The following NHLRC2 variants were observed in gnomAD, a reference collection of about 807,000 sequenced individuals.
NHLRC2 encodes the protein NHL repeat containing 2.
Under a neutral mutation model 68.1 loss-of-function variants are expected in NHLRC2, and 33 were observed. The ratio of observed to expected loss-of-function variants is 0.48; its 90% confidence interval spans 0.37 to 0.65. The LOEUF (loss-of-function observed/expected upper bound fraction) is 0.65. NHLRC2 is among the 30% of genes least tolerant of loss of function. The pLI is 0.00. For missense variants in NHLRC2, 761 were observed against 853.8 expected (o/e 0.89, Z 1.35); for synonymous variants, 311 against 309.6 (o/e 1.00, Z -0.05).
chr10:113,872,217 G>A (rs1429713447), intron 2 of NHLRC2, among the ~76,000 whole-genome samples: 2 of 151,890 alleles, frequency 1.3e-5, no homozygotes, highest in African/African-American at 4.8e-5. Flanking sequence ...ATAGGCCACT[G>A]AAGGGAAAAA....
At chr10:113,907,616 C>T (rs999315072) in intron 10 of NHLRC2, among the ~76,000 whole-genome samples, 3 of 151,848 alleles carry the variant, frequency 2.0e-5, no homozygotes, top group African/African-American at 4.8e-5. Context: ...GTGGTTTATT[C>T]GATTTTTGTT....
In NHLRC2 at chr10:113,911,383, A is replaced by G. The variant is rs1246420181; in HGVS notation, c.*2847A>G. The G allele has an allele frequency of 1.3e-5, 2 of 152,156 alleles. No homozygotes were observed. The highest frequency in any genetic ancestry group is 1.9e-4 in the East Asian group (1 of 5,204). The allele number at this position is 152,156 out of a possible 1,614,324, so 9.4% of individuals were successfully genotyped here. A position where few individuals can be genotyped will look rare whatever the true frequency, so the allele number is the denominator to read the frequency against. On this transcript the variant is annotated 3_prime_UTR_variant, in exon 11 of 11. Transcript: ENST00000369301. Reference sequence around the variant, plus strand: ...ATAAGTGTAACTTTAGCAAAATTCAATGACTATGAAAAATAATTTTTTTCT... The same window carrying G: ...ATAAGTGTAACTTTAGCAAAATTCAGTGACTATGAAAAATAATTTTTTTCT...
chr10:113,860,878 G>C (rs982887845), intron 2 of NHLRC2, among the ~76,000 whole-genome samples: 3 of 152,104 alleles, frequency 2.0e-5, no homozygotes, highest in African/African-American at 7.2e-5. Context: ...TTTAATGCTT[G>C]GTAGCACAGC....
intron 1 of NHLRC2, among the ~76,000 whole-genome samples, chr10:113,856,283 AT>A (rs1472604886): frequency 1.3e-5 from 2 of 152,192 alleles, no homozygotes; most frequent in Non-Finnish European, 2.9e-5. Context: ...TGTATAGTTA[AT>A]TGGTTGGATG....
rs1168400132 is a variant in NHLRC2 at position 113,854,927 on chromosome 10, A to T, written c.55A>T (p.Thr19Ser). The change falls in exon 1 of 11, where the codon ACC becomes TCC. Residue 19 changes from threonine to serine, a missense_variant. Transcript: ENST00000369301. The part of the protein sequence containing the change: ...RSLSGLLPAQ[T>S]SLEYALLDAV... ...CCTCTCCGGCCTGCTCCCCGCGCAG[A>T]CCTCGCTAGAGTACGCCCTGCTCGA... 1 of 1,554,024 alleles carries T rather than the reference A, an allele frequency of 6.4e-7. No individual in the cohort carries two copies.
In NHLRC2 at chr10:113,901,892, CCCATGGT is replaced by C; in HGVS notation, c.1367_1371+2del. 1 of 1,606,280 alleles carries C rather than the reference CCCATGGT, an allele frequency of 6.2e-7. No individual in the cohort carries two copies. The highest frequency in any genetic ancestry group is 8.5e-7 in the Non-Finnish European group (1 of 1,172,914). ...GCACCTCGTAGGAGGAGAAAGAGAC[CCCATGGT>C]AATGACAGTCACTCTTGCACAGTGC... On this transcript the variant is annotated splice_donor_variant and coding_sequence_variant, in exon 7 of 11. Coordinates refer to ENST00000369301, the MANE Select transcript of NHLRC2 (RefSeq NM_198514.4). LOFTEE classifies it high-confidence loss of function.
At chr10:113,855,748 C>T (rs1845747697) in intron 1 of NHLRC2, among the ~76,000 whole-genome samples, 2 of 152,230 alleles carry the variant, frequency 1.3e-5, no homozygotes, top group South Asian at 4.1e-4. Context: ...ATCCTCCCGC[C>T]TCCGTTTCCC....
intron 10 of NHLRC2, among the ~76,000 whole-genome samples, 164 bp from the exon 11 acceptor site, chr10:113,908,116 A>C (rs1363917830): frequency 6.6e-6 from 1 of 152,210 alleles, no homozygotes; most frequent in African/African-American, 2.4e-5. Flanking sequence ...ATGAGTGGTC[A>C]GTATATGTTA....
In NHLRC2 at chr10:113,910,351, C is replaced by G. The variant is rs1435353751; in HGVS notation, c.*1815C>G. 6.6e-6 allele frequency: 1 copy of G among 152,182 alleles called. No individual in the cohort carries two copies. Among genetic ancestry groups the G allele is most frequent in the Non-Finnish European group, 1.5e-5 (1 of 68,050 alleles). 9.4% of individuals were successfully genotyped at this position (152,182 alleles called of 1,614,324 possible). A position where few individuals can be genotyped will look rare whatever the true frequency, so the allele number is the denominator to read the frequency against. On this transcript the variant is annotated 3_prime_UTR_variant, in exon 11 of 11. Coordinates refer to ENST00000369301, the MANE Select transcript of NHLRC2 (RefSeq NM_198514.4). Reference sequence around the variant, plus strand: ...AAGTAGCTGGGATTACAGGCGTACACCACCATGCCCAGCTAATTTTTTTGT... The same window carrying G: ...AAGTAGCTGGGATTACAGGCGTACAGCACCATGCCCAGCTAATTTTTTTGT...
intron 2 of NHLRC2, among the ~76,000 whole-genome samples, chr10:113,862,206 T>C (rs1186229400): frequency 6.6e-6 from 1 of 152,002 alleles, no homozygotes; most frequent in African/African-American, 2.4e-5. Flanking sequence ...AAGAAACTAA[T>C]GCATTAAAGT....
At chr10:113,868,668 A>G (rs1267646732) in intron 2 of NHLRC2, among the ~76,000 whole-genome samples, 1 of 152,088 alleles carries the variant, frequency 6.6e-6, no homozygotes, top group South Asian at 2.1e-4. Flanking sequence ...ATTATAGTCT[A>G]ACAAAAGAAG....
intron 4 of NHLRC2, among the ~76,000 whole-genome samples, chr10:113,881,103 A>G (rs1846032871): frequency 6.6e-6 from 1 of 151,808 alleles, no homozygotes; most frequent in Admixed American, 6.6e-5. Context: ...AATGATTAAT[A>G]TTTCTTTATC....
At chr10:113,891,360 T>C (rs1846129545) in intron 5 of NHLRC2, among the ~76,000 whole-genome samples, 1 of 152,194 alleles carries the variant, frequency 6.6e-6, no homozygotes, top group Non-Finnish European at 1.5e-5. Flanking sequence ...GATCATTCCT[T>C]TGTTACTCGG....
At chr10:113,901,157 A>T (rs1846224629) in intron 6 of NHLRC2, among the ~76,000 whole-genome samples, 1 of 152,150 alleles carries the variant, frequency 6.6e-6, no homozygotes, top group African/African-American at 2.4e-5. Context: ...GTAATGTCTG[A>T]CCTGGCCAAC....
Position 113,915,171 on chromosome 10 carries a change from C to T in NHLRC2, c.*6635C>T, listed in dbSNP as rs186269928. 173 of 456,286 alleles carry T rather than the reference C, an allele frequency of 3.8e-4. 1 individual carries two copies. Among genetic ancestry groups the T allele is most frequent in the Non-Finnish European group, 5.3e-4 (121 of 226,968 alleles). 28.3% of individuals were successfully genotyped at this position (456,286 alleles called of 1,614,324 possible). ...GTGTCCCTCTTCTTCACTGGCATGT[C>T]GCTTTCAAGTGTACCAAAGGACATT... On this transcript the variant is annotated 3_prime_UTR_variant, in exon 11 of 11. Transcript: ENST00000369301.
At chr10:113,867,867 A>G (rs764663935) in intron 2 of NHLRC2, among the ~76,000 whole-genome samples, 5 of 152,212 alleles carry the variant, frequency 3.3e-5, no homozygotes, top group Non-Finnish European at 7.3e-5. Flanking sequence ...AGTATATACA[A>G]TTGTAATTGA....
At chr10:113,899,449 A>G (rs1846209231) in intron 6 of NHLRC2, among the ~76,000 whole-genome samples, 2 of 152,220 alleles carry the variant, frequency 1.3e-5, no homozygotes, top group South Asian at 2.1e-4. Context: ...ACACTTATGT[A>G]ATGTTTTAAG....
intron 5 of NHLRC2, among the ~76,000 whole-genome samples, chr10:113,893,155 T>C (rs375774270): frequency 1.3e-5 from 2 of 152,156 alleles, no homozygotes; most frequent in East Asian, 3.9e-4. Flanking sequence ...AACCTCACTA[T>C]GCATCCCGGA....
intron 2 of NHLRC2, among the ~76,000 whole-genome samples, chr10:113,871,382 T>G (rs942181713): frequency 1.3e-5 from 2 of 152,168 alleles, no homozygotes; most frequent in African/African-American, 4.8e-5. Context: ...TTTCTTGATA[T>G]ACTGTTATAG....
Sources: gnomAD v4.1 joint callset for allele counts (sites outside exome capture counted in the v4.1 genomes callset) on GRCh38, gnomAD v4.1.1 for gene constraint, MANE v1.5 for transcripts, NCBI Gene and HGNC (gene_info 2026-07-23, HGNC 2026-07-21) for gene names.